MEGF6: variants seen among roughly 807,000 people sequenced by gnomAD.
MEGF6 encodes the protein multiple EGF like domains 6, also known as multiple epidermal growth factor-like domains protein 6.
MEGF6 carries 184 observed loss-of-function variants against 207.1 expected under a neutral mutation model. The observed-to-expected ratio is 0.89, with a 90% confidence interval of 0.79 to 1.00. MEGF6 has a LOEUF of 1.00. MEGF6 is among the 50% of genes least tolerant of loss of function. MEGF6 has a pLI of 0.00. For synonymous variants in MEGF6, 1,038 were observed against 910.0 expected, an observed-to-expected ratio of 1.14 and a Z score of -2.53; for missense variants, 2,282 against 2,202.9, an observed-to-expected ratio of 1.04 and a Z score of -0.72.
At chr1:3,534,207 CTCAG>C (rs1235003814) in intron 4 of MEGF6, among the ~76,000 whole-genome samples, 1 of 152,202 alleles carries the variant, frequency 6.6e-6, no homozygotes, top group East Asian at 1.9e-4. Flanking sequence ...ATGTCACCTT[CTCAG>C]TCAGTATGTT....
chr1:3,557,709 G>A (rs1643076641), intron 4 of MEGF6, among the ~76,000 whole-genome samples: 1 of 152,248 alleles, frequency 6.6e-6, no homozygotes, highest in Non-Finnish European at 1.5e-5. Context: ...GGCAAGGAGA[G>A]ACGGGGGGCC....
At chr1:3,526,400 T>C (rs1641964972) in intron 4 of MEGF6, among the ~76,000 whole-genome samples, 1 of 123,088 alleles carries the variant, frequency 8.1e-6, no homozygotes, top group South Asian at 2.5e-4. Context: ...TGACACCTAT[T>C]TTTTTTTTTT....
rs116898403 is a variant in MEGF6 at position 3,587,696 on chromosome 1, C to T, written c.376+7642G>A. Among the ~76,000 whole-genome samples the T allele has an allele frequency of 1.0e-3, 159 of 152,292 alleles. 1 individual carries two copies. The East Asian group carries it at 0.018, about 17-fold the overall frequency. ...GTGGAAAGACAGGATCATGCTCATG[C>T]GTGGACCTGGCTATCTCTGAGCCTG... On this transcript the variant is annotated intron_variant, in intron 3 of 36. Transcript: ENST00000356575.
intron 14 of MEGF6, among the ~76,000 whole-genome samples, chr1:3,507,587 T>C (rs924684362): frequency 6.6e-6 from 1 of 152,150 alleles, no homozygotes; most frequent in African/African-American, 2.4e-5. Flanking sequence ...AATACCCCTC[T>C]CATTCAAGGG....
At chr1:3,561,870 G>A (rs922247936) in intron 4 of MEGF6, among the ~76,000 whole-genome samples, 9 of 152,358 alleles carry the variant, frequency 5.9e-5, no homozygotes, top group Non-Finnish European at 8.8e-5. Context: ...CGTGGGAGGG[G>A]GCTTTTCGTT....
At chr1:3,607,514 T>C (rs987196544) in intron 1 of MEGF6, among the ~76,000 whole-genome samples, 2 of 152,148 alleles carry the variant, frequency 1.3e-5, no homozygotes, top group African/African-American at 4.8e-5. Flanking sequence ...ACTTCAGCAC[T>C]GCACACACGG....
chr1:3,604,554 C>T (rs1001143448), intron 1 of MEGF6, among the ~76,000 whole-genome samples: 14 of 152,190 alleles, frequency 9.2e-5, no homozygotes, highest in African/African-American at 2.9e-4. Flanking sequence ...GGGTGGAGAG[C>T]GAGACTTCCA....
At chr1:3,526,657 C>A (rs1379487030) in intron 4 of MEGF6, among the ~76,000 whole-genome samples, 2 of 152,164 alleles carry the variant, frequency 1.3e-5, no homozygotes, top group Non-Finnish European at 2.9e-5. Flanking sequence ...CCTTGGCCTC[C>A]CAAAGTGCCG....
chr1:3,599,277 C>A (rs1368095822), intron 2 of MEGF6, among the ~76,000 whole-genome samples: 2 of 152,236 alleles, frequency 1.3e-5, no homozygotes, highest in Non-Finnish European at 2.9e-5. Context: ...GCCTCCCCCC[C>A]AGAGCTCAGG....
At chr1:3,531,701 A>G (rs1480306901) in intron 4 of MEGF6, among the ~76,000 whole-genome samples, 1 of 152,208 alleles carries the variant, frequency 6.6e-6, no homozygotes, top group Non-Finnish European at 1.5e-5. Context: ...GGAGGTACAC[A>G]GACACGCACG....
chr1:3,500,764 G>A lies in MEGF6; in HGVS notation c.2576C>T (p.Ala859Val), dbSNP rs776894930. Residue 859 changes from alanine (A) to valine (V), a missense_variant and splice_region_variant, in exon 21 of 37, where the codon GCC becomes GTC. Coordinates refer to ENST00000356575, the MANE Select transcript of MEGF6 (RefSeq NM_001409.4). Reference protein sequence around the residue: ...PGWTGFSCQRACDTGHWGPDC... With the variant: ...PGWTGFSCQRVCDTGHWGPDC... ...AGGTCCCCAGTGCCCAGTATCACAG[G>A]CTGCAACAGAACTCAGGGTCACCCG... 6 of 1,605,598 alleles carry A rather than the reference G, an allele frequency of 3.7e-6. No homozygotes were observed. Among genetic ancestry groups the A allele is most frequent in the South Asian group, 1.1e-5 (1 of 90,156 alleles).
intron 4 of MEGF6, among the ~76,000 whole-genome samples, chr1:3,578,928 C>CACCCAGCTCAGAACG (rs1557791112): frequency 3.3e-5 from 5 of 152,086 alleles, no homozygotes; most frequent in South Asian, 4.2e-4. Flanking sequence ...GCAGGGGTGT[C>CACCCAGCTCAGAACG]CTTCACAAAC....
chr1:3,538,470 C>T (rs1241109638), intron 4 of MEGF6, among the ~76,000 whole-genome samples: 1 of 152,220 alleles, frequency 6.6e-6, no homozygotes, highest in Non-Finnish European at 1.5e-5. Flanking sequence ...CCGCTGTTTC[C>T]GCGAGCCCAG....
chr1:3,536,799 C>G (rs1005985742), intron 4 of MEGF6, among the ~76,000 whole-genome samples: 1 of 152,228 alleles, frequency 6.6e-6, no homozygotes, highest in African/African-American at 2.4e-5. Flanking sequence ...GTGCCACCCC[C>G]AAATGTCACT....
In MEGF6 at chr1:3,501,844, C is replaced by T; in HGVS notation, c.2266G>A (p.Gly756Arg). Residue 756 changes from glycine (G) to arginine (R), a missense_variant, in exon 18 of 37, where the codon GGG becomes AGG. Gly to Arg is a moderately radical substitution (Grantham distance 125). Transcript: ENST00000356575. ...CTCCCCGGCGGACACCGGCACTGCC[C>T]CGTGACCCCGTGGCAGGGGGCCCCC... is the stretch of plus-strand genomic sequence containing the variant. ...CGGAPCHGVT[G>R]QCRCPPGRTG... 1 of 1,608,186 alleles carries T rather than the reference C, an allele frequency of 6.2e-7. No homozygotes were observed. The highest frequency in any genetic ancestry group is 8.5e-7 in the Non-Finnish European group (1 of 1,178,476).
chr1:3,595,237 G>T, intron 3 of MEGF6, 101 bp downstream of exon 3: 1 of 779,772 alleles, frequency 1.3e-6, no homozygotes, highest in East Asian at 2.6e-5. Flanking sequence ...CGTGTTGCTG[G>T]GGAAGGGCGA....
rs778013025 is a variant in MEGF6 at position 3,515,445 on chromosome 1, G to T, written c.687C>A (p.Cys229Ter). Residue 229 changes from cysteine (C) to a stop codon, truncating the protein, a stop_gained, in exon 6 of 37, where the codon TGC (cysteine) becomes TGA (stop). Transcript: ENST00000356575. LOFTEE classifies it high-confidence loss of function. ...QLTITRHRCQCRPGFQLQEDG... is the reference protein window; with the variant it reads ...QLTITRHRCQ ...CCTCCTGGAGCTGGAACCCGGGCCG[G>T]CACTGGCAGCGATGCCGAGTGATTG... is the stretch of plus-strand genomic sequence containing the variant. 2 of 1,612,634 alleles carry T rather than the reference G, an allele frequency of 1.2e-6. No individual in the cohort carries two copies. Among genetic ancestry groups the T allele is most frequent in the South Asian group, 2.2e-5 (2 of 91,070 alleles).
At chr1:3,620,689 A>G in the MEGF6 span, among the ~76,000 whole-genome samples, 1 of 152,206 alleles carries the variant, frequency 6.6e-6, no homozygotes, top group African/African-American at 2.4e-5. Context: ...CTTTCTCCCC[A>G]TGTGCAGAGA....
chr1:3,578,369 T>C (rs1643699715), intron 4 of MEGF6, among the ~76,000 whole-genome samples: 1 of 152,086 alleles, frequency 6.6e-6, no homozygotes, highest in Non-Finnish European at 1.5e-5. Context: ...AAATGACAGC[T>C]CCCAAGAAGC....
Sources: gnomAD v4.1 joint callset for allele counts (sites outside exome capture counted in the v4.1 genomes callset) on GRCh38, gnomAD v4.1.1 for gene constraint, MANE v1.5 for transcripts, NCBI Gene and HGNC (gene_info 2026-07-23, HGNC 2026-07-21) for gene names.